AP3S1: variants seen among roughly 807,000 people sequenced by gnomAD.
AP3S1 encodes AP-3 complex subunit sigma-1.
A neutral mutation model predicts 21.3 loss-of-function variants in AP3S1; 12 were observed. The observed-to-expected ratio is 0.56, with a 90% CI of 0.36 to 0.91. AP3S1 has a LOEUF of 0.91. Ranked by LOEUF, AP3S1 falls within the 40% of genes least tolerant of loss-of-function variation. The pLI, the probability that AP3S1 is intolerant of heterozygous loss-of-function variation, is 0.01. For synonymous variants in AP3S1, 48 were observed against 78.4 expected (o/e 0.61, Z 2.05); for missense variants, 116 against 225.0 (o/e 0.52, Z 3.10).
chr5:115,890,046 A>G (rs1398890665), intron 3 of AP3S1, among the ~76,000 whole-genome samples: 1 of 152,202 alleles, frequency 6.6e-6, no homozygotes, highest in Non-Finnish European at 1.5e-5. Flanking sequence ...ATATACTGCT[A>G]TTTAAAGTCT....
intron 3 of AP3S1, among the ~76,000 whole-genome samples, chr5:115,891,686 C>T (rs779979083): frequency 2.6e-5 from 4 of 152,140 alleles, no homozygotes; most frequent in African/African-American, 7.2e-5. Flanking sequence ...GGGGCACTGC[C>T]TCGTGGAGTT....
At chr5:115,908,488 C>G (rs1751841476) in intron 5 of AP3S1, among the ~76,000 whole-genome samples, 1 of 152,058 alleles carries the variant, frequency 6.6e-6, no homozygotes, top group South Asian at 2.1e-4. Context: ...TCTTGTACTT[C>G]TACAAAATTA....
intron 1 of AP3S1, 136 bp from the exon 2 acceptor site, chr5:115,866,529 ATAATT>A: frequency 2.3e-6 from 1 of 434,946 alleles, no homozygotes; most frequent in Non-Finnish European, 4.0e-6. Context: ...TCTGTAAGGT[ATAATT>A]TAAGTCACTT....
chr5:115,876,761 T>C (rs1748750914), intron 3 of AP3S1, among the ~76,000 whole-genome samples: 1 of 152,202 alleles, frequency 6.6e-6, no homozygotes, highest in Admixed American at 6.6e-5. Flanking sequence ...TAGCCAGTTA[T>C]TTTGATATTC....
intron 1 of AP3S1, among the ~76,000 whole-genome samples, chr5:115,854,692 T>G (rs1428931379): frequency 6.6e-6 from 1 of 151,862 alleles, no homozygotes; most frequent in East Asian, 1.9e-4. Flanking sequence ...TTTTTTTTTT[T>G]AAGTGCAACA....
At chr5:115,899,779 G>A (rs1200252275) in intron 4 of AP3S1, among the ~76,000 whole-genome samples, 1 of 151,888 alleles carries the variant, frequency 6.6e-6, no homozygotes, top group Non-Finnish European at 1.5e-5. Context: ...TGAAGAAGAA[G>A]AAAAGAGACT....
At chr5:115,870,651 A>G (rs36083750) in intron 3 of AP3S1, among the ~76,000 whole-genome samples, 15,946 of 152,132 alleles carry the variant, frequency 0.1, 1,434 homozygotes, top group Admixed American at 0.27. Context: ...TTAGCTTCTC[A>G]TTGCATTTTC....
intron 1 of AP3S1, among the ~76,000 whole-genome samples, chr5:115,851,606 TTGTA>T (rs1223601705): frequency 2.6e-5 from 4 of 152,180 alleles, no homozygotes; most frequent in Non-Finnish European, 5.9e-5. Context: ...TATTGACCAT[TTGTA>T]TGTCTTTGGA....
intron 1 of AP3S1, among the ~76,000 whole-genome samples, chr5:115,851,420 G>T (rs2112781778): frequency 6.6e-6 from 1 of 152,204 alleles, no homozygotes; most frequent in Non-Finnish European, 1.5e-5. Flanking sequence ...TTTCCACAGT[G>T]GCTGTACCAT....
chr5:115,855,762 G>A (rs1188980596), intron 1 of AP3S1, among the ~76,000 whole-genome samples: 2 of 152,138 alleles, frequency 1.3e-5, no homozygotes, highest in Admixed American at 1.3e-4. Flanking sequence ...TTTGAGAAAA[G>A]GATCTATTTG....
intron 3 of AP3S1, among the ~76,000 whole-genome samples, chr5:115,880,900 A>G (rs1749220146): frequency 6.6e-6 from 1 of 152,102 alleles, no homozygotes; most frequent in Non-Finnish European, 1.5e-5. Flanking sequence ...GTGCATATAT[A>G]TTTAGGAAAG....
chr5:115,848,718 C>T (rs933017989), intron 1 of AP3S1, among the ~76,000 whole-genome samples: 1 of 152,152 alleles, frequency 6.6e-6, no homozygotes, highest in African/African-American at 2.4e-5. Context: ...GAGTTGTTAC[C>T]ATCTAGAGGG....
At chr5:115,906,735 T>C in intron 5 of AP3S1, 1 of 1,035,022 alleles carries the variant, frequency 9.7e-7, no homozygotes, top group Non-Finnish European at 1.3e-6. Flanking sequence ...TGGGTCTGAA[T>C]TTAGTCACTA....
At chr5:115,867,051 C>G (rs1243977751) in intron 2 of AP3S1, among the ~76,000 whole-genome samples, 1 of 152,050 alleles carries the variant, frequency 6.6e-6, no homozygotes, top group African/African-American at 2.4e-5. Flanking sequence ...AATCTCTCAA[C>G]CTTAGTCCTT....
rs1419539349 is a variant in AP3S1, at chr5:115,907,001, A to G, written c.453+4009A>G. On this transcript the variant is annotated intron_variant, in intron 5 of 5. Coordinates refer to ENST00000316788, the MANE Select transcript of AP3S1 (RefSeq NM_001284.4). ...GTCCCTGTAGCCTATTTTCCATTCTAGTTTCTCCTTGTAGTTTCTTCATCT... is the reference window on the plus strand; with the variant it reads ...GTCCCTGTAGCCTATTTTCCATTCTGGTTTCTCCTTGTAGTTTCTTCATCT... 5.6e-6 allele frequency: 7 copies of G among 1,244,890 alleles called. No individual in the cohort carries two copies. The African/African-American group carries it at 6.2e-5, about 11-fold the overall frequency. 77.1% of individuals were successfully genotyped at this position (1,244,890 alleles called of 1,614,324 possible). A position where few individuals can be genotyped will look rare whatever the true frequency, so the allele number is the denominator to read the frequency against.
At chr5:115,908,872 C>A in intron 5 of AP3S1, 1 of 556,782 alleles carries the variant, frequency 1.8e-6, no homozygotes, top group Non-Finnish European at 2.3e-6. Context: ...TTCTTTTTTG[C>A]TCAAAAACAT....
At chr5:115,876,365 T>C (rs1580679475) in intron 3 of AP3S1, among the ~76,000 whole-genome samples, 1 of 152,282 alleles carries the variant, frequency 6.6e-6, no homozygotes, top group African/African-American at 2.4e-5. Flanking sequence ...TTAAAATTTA[T>C]TTTCTTCCCT....
At chr5:115,850,279 ACCGCATACATAT>A (rs2112778412) in intron 1 of AP3S1, among the ~76,000 whole-genome samples, 1 of 152,224 alleles carries the variant, frequency 6.6e-6, no homozygotes, top group African/African-American at 2.4e-5. Flanking sequence ...AGTTGATTCT[ACCGCATACATAT>A]CCTATTTCCT....
intron 4 of AP3S1, among the ~76,000 whole-genome samples, chr5:115,895,773 A>G (rs1580724933): frequency 6.6e-6 from 1 of 152,330 alleles, no homozygotes; most frequent in Middle Eastern, 3.4e-3. Context: ...ATGGAAATCA[A>G]TTAAGAGTTT....
Sources: gnomAD v4.1 joint callset for allele counts (sites outside exome capture counted in the v4.1 genomes callset) on GRCh38, gnomAD v4.1.1 for gene constraint, MANE v1.5 for transcripts, NCBI Gene and HGNC (gene_info 2026-07-23, HGNC 2026-07-21) for gene names.